The following SYCP2 variants were observed in gnomAD, a reference collection of about 807,000 sequenced individuals.
SYCP2 encodes synaptonemal complex protein 2.
SYCP2 carries 55 observed loss-of-function variants against 211.3 expected under a neutral mutation model. The ratio of observed to expected loss-of-function variants is 0.26; its 90% CI spans 0.21 to 0.33. The LOEUF is 0.33. Among genes scored for constraint, SYCP2 ranks in the 10% least tolerant of loss-of-function variants. The probability of loss-of-function intolerance (pLI) is 1.00; values close to 1 mark genes in which losing one functional copy is unlikely to be tolerated. For synonymous variants in SYCP2, 570 were observed against 555.2 expected (o/e 1.03, Z -0.37); for missense variants, 1,731 against 1,752.0 (o/e 0.99, Z 0.21).
At position 59,895,594 on chromosome 20, in the gene SYCP2, A is replaced by T. The variant is rs573176410; in HGVS notation, c.1508T>A (p.Ile503Lys). Residue 503 changes from isoleucine (I) to lysine (K), a missense_variant, in exon 20 of 45, where the codon ATA (isoleucine) becomes AAA (lysine). Ile to Lys is a moderately radical substitution (Grantham distance 102). This residue lies in a region of SYCP2 where 1,387 missense variants were observed against 1,351.3 expected (regional missense o/e 1.03). Transcript: ENST00000357552. ...RSPVLFSNTS[I>K]PPRRRRIKPP... ...TTTAATTCTTCTTCTTCGTGGTGGT[A>T]TTGCTAAAAAGGAGGACAAGGATTG... The T allele has an allele frequency of 2.5e-5, 40 of 1,608,850 alleles. No homozygotes were observed. In the South Asian group the frequency reaches 4.4e-4, roughly 18 times the overall value.
At chr20:59,901,892 A>G (rs2060122617) in intron 15 of SYCP2, 82 bp from the exon 16 acceptor site, 4 of 1,114,664 alleles carry the variant, frequency 3.6e-6, no homozygotes, top group Non-Finnish European at 4.9e-6. Flanking sequence ...TGGATGTAGC[A>G]GATTAATTGA....
In SYCP2 at chr20:59,866,705, A is replaced by G. The variant is rs190920252; in HGVS notation, c.4126-116T>C. 182 of 719,020 alleles carry G rather than the reference A, an allele frequency of 2.5e-4. No homozygotes were observed. The Middle Eastern group carries it at 3.9e-3, about 15-fold the overall frequency. The allele number at this position is 719,020 out of a possible 1,614,324, so 44.5% of individuals were successfully genotyped here. ...GTAAATTACTAAGAAGAACTTGGAA[A>G]AGTGAAAAATTAAAAACTCAGTTAT... On this transcript the variant is annotated intron_variant, in intron 39 of 44. Coordinates refer to ENST00000357552, the MANE Select transcript of SYCP2 (RefSeq NM_014258.4).
At chr20:59,887,337 TTA>T (rs1490762350) in intron 24 of SYCP2, among the ~76,000 whole-genome samples, 1 of 152,210 alleles carries the variant, frequency 6.6e-6, no homozygotes, top group Admixed American at 6.5e-5. Flanking sequence ...TCATCCTTTT[TTA>T]TGACTGCATA....
At position 59,886,658 on chromosome 20, in the gene SYCP2, T is replaced by C. The variant is rs375813708; in HGVS notation, c.2492+49A>G. 1.7e-5 allele frequency: 23 copies of C among 1,382,198 alleles called. No homozygotes were observed. The African/African-American group carries it at 3.1e-4, about 19-fold the overall frequency. 85.6% of individuals were successfully genotyped at this position (1,382,198 alleles called of 1,614,324 possible). On this transcript the variant is annotated intron_variant, in intron 25 of 44. Coordinates refer to ENST00000357552, the MANE Select transcript of SYCP2 (RefSeq NM_014258.4). ...TTAACCTTTTTAAAATTGTGTAATA[T>C]AGTTGTATCTGTCAGAAAAATATTC...
chr20:59,870,895 G>GA (rs1349881429), intron 35 of SYCP2, among the ~76,000 whole-genome samples: 2 of 151,636 alleles, frequency 1.3e-5, no homozygotes, highest in African/African-American at 4.8e-5. Context: ...ATATGAAAAA[G>GA]AAAGCCTGGA....
At chr20:59,879,844 T>TAA (rs2059637092) in intron 31 of SYCP2, among the ~76,000 whole-genome samples, 1 of 127,914 alleles carries the variant, frequency 7.8e-6, no homozygotes, top group Non-Finnish European at 1.6e-5. Context: ...TATATATATA[T>TAA]ATATATATAT....
chr20:59,874,059 T>C lies in SYCP2; in HGVS notation c.3352A>G (p.Ile1118Val), dbSNP rs1568912331. The C allele has an allele frequency of 6.4e-7, 1 of 1,560,958 alleles. No homozygotes were observed. Among genetic ancestry groups the C allele is most frequent in the South Asian group, 1.2e-5 (1 of 84,798 alleles). ...SPSSIEVTRC[I>V]EKITEKDFTQ... ...AAATCCTTTTCTGTTATTTTCTCTA[T>C]ACCTATATTGCATCAAAATAAAAAA... Residue 1118 changes from isoleucine to valine, a missense_variant and splice_region_variant, in exon 35 of 45, where the codon ATA (isoleucine) becomes GTA (valine). By Grantham distance (29) the Ile-to-Val change is conservative. Coordinates refer to ENST00000357552, the MANE Select transcript of SYCP2 (RefSeq NM_014258.4).
intron 32 of SYCP2, among the ~76,000 whole-genome samples, 166 bp downstream of exon 32, chr20:59,877,842 G>T (rs2059590824): frequency 6.6e-6 from 1 of 151,446 alleles, no homozygotes; most frequent in African/African-American, 2.4e-5. Context: ...GGAGTCAAAG[G>T]CCAGTATGAT....
intron 3 of SYCP2, among the ~76,000 whole-genome samples, chr20:59,921,952 G>T (rs1288874266): frequency 6.6e-6 from 1 of 151,462 alleles, no homozygotes; most frequent in Non-Finnish European, 1.5e-5. Flanking sequence ...TGCCATCCTT[G>T]CTATTAAAGT....
chr20:59,908,330 C>A (rs143007903), intron 14 of SYCP2, among the ~76,000 whole-genome samples: 82 of 152,252 alleles, frequency 5.4e-4, no homozygotes, highest in African/African-American at 1.9e-3. Context: ...TTCCCGAGAA[C>A]TTCCTCTAAA....
intron 24 of SYCP2, among the ~76,000 whole-genome samples, chr20:59,890,771 T>G (rs962258249): frequency 1.1e-4 from 16 of 151,300 alleles, no homozygotes; most frequent in African/African-American, 3.6e-4. Flanking sequence ...AAAAAAAAAA[T>G]GACTAGCTCA....
Position 59,866,487 on chromosome 20 carries a change from T to C in SYCP2, c.4220+8A>G. The C allele has an allele frequency of 1.9e-6, 3 of 1,603,506 alleles. No individual in the cohort carries two copies. The highest frequency in any genetic ancestry group is 2.6e-6 in the Non-Finnish European group (3 of 1,175,238). On this transcript the variant is annotated splice_region_variant and intron_variant, in intron 40 of 44. Coordinates refer to ENST00000357552, the MANE Select transcript of SYCP2 (RefSeq NM_014258.4). ...CAAAAGTTTTCAGAACAGATTTTTA[T>C]TACAGACCTAGAGTCCTGACTTTGA...
chr20:59,874,641 A>AT (rs1568913309), intron 34 of SYCP2, among the ~76,000 whole-genome samples: 1 of 152,070 alleles, frequency 6.6e-6, no homozygotes, highest in African/African-American at 2.4e-5. Flanking sequence ...ATACTAACTG[A>AT]TTTAAGTCTT....
In SYCP2 at chr20:59,886,851, G is replaced by A. The variant is rs781488004; in HGVS notation, c.2365-17C>T. The A allele has an allele frequency of 6.4e-7, 1 of 1,553,218 alleles. No individual in the cohort carries two copies. Among genetic ancestry groups the A allele is most frequent in the Admixed American group, 2.1e-5 (1 of 47,314 alleles). ...CTTTTCTCTCTGAAAAAAATTGTAA[G>A]TTACTTTTAAACTCTACCAGTTAAT... On this transcript the variant is annotated splice_polypyrimidine_tract_variant and intron_variant, in intron 24 of 44. Transcript: ENST00000357552.
At chr20:59,886,104 AG>A in intron 25 of SYCP2, 140 bp from the exon 26 acceptor site, 1 of 625,134 alleles carries the variant, frequency 1.6e-6, no homozygotes, top group Non-Finnish European at 2.7e-6. Flanking sequence ...ATAGTCTGAT[AG>A]TTTTGCTACT....
At chr20:59,881,068 G>A (rs970971786) in intron 29 of SYCP2, 45 bp from the exon 30 acceptor site, 1 of 1,133,682 alleles carries the variant, frequency 8.8e-7, no homozygotes, top group East Asian at 2.6e-5. Context: ...CTTCATACTT[G>A]TTTTCTTAAG....
At chr20:59,908,131 T>TC (rs887694137) in intron 14 of SYCP2, among the ~76,000 whole-genome samples, 1 of 151,788 alleles carries the variant, frequency 6.6e-6, no homozygotes, top group Non-Finnish European at 1.5e-5. Context: ...CGCCTGTAGT[T>TC]CCAGCTACTC....
intron 37 of SYCP2, 63 bp downstream of exon 37, chr20:59,868,772 A>T: frequency 7.1e-7 from 1 of 1,403,586 alleles, no homozygotes; most frequent in Non-Finnish European, 9.8e-7. Flanking sequence ...TAATTCCTTT[A>T]GTTGAAATGT....
At chr20:59,898,110 A>G (rs139843542) in intron 18 of SYCP2, among the ~76,000 whole-genome samples, 23 of 152,222 alleles carry the variant, frequency 1.5e-4, no homozygotes, top group African/African-American at 5.3e-4. Flanking sequence ...ACAGAACGAG[A>G]CTCCATCTCA....
Sources: allele counts gnomAD v4.1 joint callset (sites outside exome capture counted in the v4.1 genomes callset), GRCh38; gene constraint gnomAD v4.1.1; regional missense constraint gnomAD v4.1.1; transcripts MANE v1.5; gene names NCBI Gene and HGNC (gene_info 2026-07-23, HGNC 2026-07-21).